CHRNA4: variants seen among roughly 807,000 people sequenced by gnomAD.
CHRNA4 encodes cholinergic receptor nicotinic alpha 4 subunit.
CHRNA4 carries 28 observed loss-of-function variants against 48.9 expected under a neutral mutation model. The ratio of observed to expected loss-of-function variants is 0.57; its 90% CI spans 0.42 to 0.79. CHRNA4 has a LOEUF of 0.79. Ranked by LOEUF, CHRNA4 falls within the 30% of genes least tolerant of loss-of-function variation. The probability of loss-of-function intolerance (pLI) is 0.00; values close to 1 mark genes in which losing one functional copy is unlikely to be tolerated. For missense variants in CHRNA4, 859 were observed against 898.4 expected, an observed-to-expected ratio of 0.96 and a Z score of 0.56; for synonymous variants, 425 against 402.3, an observed-to-expected ratio of 1.06 and a Z score of -0.68.
chr20:63,359,975 C>T (rs1010650721), intron 1 of CHRNA4: 2 of 433,006 alleles, frequency 4.6e-6, no homozygotes, highest in Non-Finnish European at 8.6e-6. Flanking sequence ...GGCTCTCTCC[C>T]ACCCCTGGGT....
chr20:63,360,486 C>T (rs1013345880), intron 1 of CHRNA4, among the ~76,000 whole-genome samples: 4 of 152,156 alleles, frequency 2.6e-5, no homozygotes, highest in African/African-American at 9.7e-5. Flanking sequence ...CCCGCCTGTC[C>T]TGGGCGCTGC....
In CHRNA4 at chr20:63,343,997, T is replaced by C. The variant is rs202135907; in HGVS notation, c.*2741A>G. ...GCAGAAAATAAACATGCATAACGGA[T>C]AGAGTGCCATGCACACACCGGCACC... is the stretch of plus-strand genomic sequence containing the variant. On this transcript the variant is annotated 3_prime_UTR_variant, in exon 6 of 6. Transcript: ENST00000370263. The C allele has an allele frequency of 8.8e-6, 4 of 453,944 alleles. No individual in the cohort carries two copies. The highest frequency in any genetic ancestry group is 4.0e-5 in the African/African-American group (2 of 49,964). 28.1% of individuals were successfully genotyped at this position (453,944 alleles called of 1,614,324 possible).
At position 63,350,321 on chromosome 20, in the gene CHRNA4, C is replaced by T. The variant is rs1390747894; in HGVS notation, c.1090G>A (p.Val364Ile). 2 of 1,613,210 alleles carry T rather than the reference C, an allele frequency of 1.2e-6. No individual in the cohort carries two copies. The highest frequency in any genetic ancestry group is 1.7e-5 in the Admixed American group (1 of 59,990). The stretch of plus-strand genomic sequence containing the variant: ...ATGAGCCGCCGGCAATTGTCCTTGA[C>T]CACGGACGGCCGCTTCATGAGGAGC... ...RLLLMKRPSV[V>I]KDNCRRLIES... Residue 364 changes from valine to isoleucine, a missense_variant, in exon 5 of 6, where the codon GTC (valine) becomes ATC (isoleucine). Around this residue, in one of 3 missense-constraint regions of CHRNA4, gnomAD observed 478 missense variants for 455.4 expected, o/e 1.05. Transcript: ENST00000370263.
intron 2 of CHRNA4, among the ~76,000 whole-genome samples, chr20:63,357,149 GACC>G (rs2145403927): frequency 9.8e-6 from 1 of 102,416 alleles, no homozygotes; most frequent in African/African-American, 4.6e-5. Context: ...GTCCCCACAG[GACC>G]ACGTCTCCAC....
At position 63,343,479 on chromosome 20, in the gene CHRNA4, G is replaced by A. The variant is rs1367791808; in HGVS notation, c.*3259C>T. On this transcript the variant is annotated 3_prime_UTR_variant, in exon 6 of 6. Coordinates refer to ENST00000370263, the MANE Select transcript of CHRNA4 (RefSeq NM_000744.7). ...ATCCGAAGCCGCCTCTGCTCCAGGG[G>A]ACACCTAACCCAGCAGTCCCACAGC... The A allele has an allele frequency of 6.6e-6, 3 of 454,044 alleles. No homozygotes were observed. Among genetic ancestry groups the A allele is most frequent in the Non-Finnish European group, 1.3e-5 (3 of 226,810 alleles). The allele number at this position is 454,044 out of a possible 1,614,324, so 28.1% of individuals were successfully genotyped here. A position where few individuals can be genotyped will look rare whatever the true frequency, so the allele number is the denominator to read the frequency against.
At chr20:63,356,625 C>G in intron 2 of CHRNA4, 1 of 614,380 alleles carries the variant, frequency 1.6e-6, no homozygotes, top group South Asian at 1.9e-5. Context: ...GGGGACAAGG[C>G]CACAAACATC....
At chr20:63,356,292 G>C (rs2068718218) in intron 3 of CHRNA4, 79 bp downstream of exon 3, 18 of 1,285,924 alleles carry the variant, frequency 1.4e-5, no homozygotes, top group Non-Finnish European at 1.7e-5. Flanking sequence ...GCCAGGGTGG[G>C]GCAGGGCCAG....
At position 63,349,461 on chromosome 20, in the gene CHRNA4, C is replaced by G. The variant is rs3899053; in HGVS notation, c.1758+192G>C. 102,118 of 748,150 alleles carry G rather than the reference C, an allele frequency of 0.14. 8,280 individuals are homozygous for G. Among genetic ancestry groups the G allele is most frequent in the Non-Finnish European group, 0.16 (74,270 of 460,414 alleles). The allele number at this position is 748,150 out of a possible 1,614,324, so 46.3% of individuals were successfully genotyped here. A position where few individuals can be genotyped will look rare whatever the true frequency, so the allele number is the denominator to read the frequency against. ...GCCAGCCACTCGGGGCCCCCTGCCC[C>G]GCTCAGCCTGGGACCTGCGGCCACA... On this transcript the variant is annotated intron_variant, in intron 5 of 5. Transcript: ENST00000370263.
chr20:63,357,556 G>A (rs1272177939), intron 2 of CHRNA4, among the ~76,000 whole-genome samples: 1 of 152,178 alleles, frequency 6.6e-6, no homozygotes, highest in Admixed American at 6.5e-5. Flanking sequence ...GAGCTCACAC[G>A]TGCAGCTCAC....
In CHRNA4 at chr20:63,350,657, T is replaced by C. The variant is rs201865234; in HGVS notation, c.754A>G (p.Ile252Val). 1.9e-6 allele frequency: 3 copies of C among 1,613,514 alleles called. No homozygotes were observed. In the African/African-American group the frequency reaches 4.0e-5, roughly 22 times the overall value. ...LPLFYTINLI[I>V]PCLLISCLTV... ...AGGCAGGAGATGAGCAGGCAGGGGA[T>C]GATGAGGTTGATGGTGTAGAAGAGC... Residue 252 changes from isoleucine to valine, a missense_variant, in exon 5 of 6, where the codon ATC (isoleucine) becomes GTC (valine). Ile to Val is a conservative substitution (Grantham distance 29). Around this residue, in one of 3 missense-constraint regions of CHRNA4, gnomAD observed 342 missense variants for 365.3 expected, o/e 0.94. Transcript: ENST00000370263.
At chr20:63,359,140 G>C (rs1167800712) in intron 2 of CHRNA4, among the ~76,000 whole-genome samples, 1 of 152,256 alleles carries the variant, frequency 6.6e-6, no homozygotes, top group Non-Finnish European at 1.5e-5. Context: ...AGCTAAGGTT[G>C]GGGTGCTGCC....
Position 63,343,630 on chromosome 20 carries a change from C to T in CHRNA4, c.*3108G>A, listed in dbSNP as rs201258832. ...AGAGGAGGGCCACGTCGCCCCAGGC[C>T]GGGCCACACGGGAAGCACCCAGGCC... On this transcript the variant is annotated 3_prime_UTR_variant, in exon 6 of 6. Transcript: ENST00000370263. The T allele has an allele frequency of 1.5e-5, 7 of 452,270 alleles. No individual in the cohort carries two copies. In the East Asian group the frequency reaches 2.1e-4, roughly 13 times the overall value. The allele number at this position is 452,270 out of a possible 1,614,324, so 28.0% of individuals were successfully genotyped here.
chr20:63,350,232 A>AG lies in CHRNA4; in HGVS notation c.1178dup (p.Ala394CysfsTer24), dbSNP rs1435638963. On this transcript the variant is annotated frameshift_variant, in exon 5 of 6. Coordinates refer to ENST00000370263, the MANE Select transcript of CHRNA4 (RefSeq NM_000744.7). LOFTEE classifies it high-confidence loss of function. Reference sequence around the variant, plus strand: ...GCAGGCTCTGGGTGCCGCTCGTGGCAGGGGGCTCCCCTTCTGGCTCGGGCC... The same window carrying AG: ...GCAGGCTCTGGGTGCCGCTCGTGGCAGGGGGGCTCCCCTTCTGGCTCGGGCC... 3 of 1,609,112 alleles carry AG rather than the reference A, an allele frequency of 1.9e-6. No homozygotes were observed. The highest frequency in any genetic ancestry group is 2.5e-6 in the Non-Finnish European group (3 of 1,178,122).
At chr20:63,360,839 A>AC (rs374280137) in intron 1 of CHRNA4, 2 of 392,250 alleles carry the variant, frequency 5.1e-6, no homozygotes, top group South Asian at 8.6e-5. Context: ...TAGCAGCGGA[A>AC]CCCCCCACAC....
At chr20:63,354,380 T>A (rs1318088754) in intron 4 of CHRNA4, among the ~76,000 whole-genome samples, 1 of 131,568 alleles carries the variant, frequency 7.6e-6, no homozygotes, top group African/African-American at 3.0e-5. Flanking sequence ...GTGATCCTTG[T>A]GGGGGCTGCA....
Position 63,349,451 on chromosome 20 carries a change from C to T in CHRNA4, c.1758+202G>A, listed in dbSNP as rs1041900619. On this transcript the variant is annotated intron_variant, in intron 5 of 5. Transcript: ENST00000370263. ...TCCACCCTGTGCCAGCCACTCGGGG[C>T]CCCCTGCCCCGCTCAGCCTGGGACC... 1.9e-5 allele frequency: 13 copies of T among 686,786 alleles called. No individual in the cohort carries two copies. The Admixed American group carries it at 3.3e-4, about 18-fold the overall frequency. 42.5% of individuals were successfully genotyped at this position (686,786 alleles called of 1,614,324 possible). A position where few individuals can be genotyped will look rare whatever the true frequency, so the allele number is the denominator to read the frequency against.
At chr20:63,355,441 T>C (rs2145399965) in intron 4 of CHRNA4, 3 of 1,076,874 alleles carry the variant, frequency 2.8e-6, no homozygotes, top group Admixed American at 2.3e-5. Flanking sequence ...AGAGCGTGAG[T>C]ATGCAGAGAA....
intron 1 of CHRNA4, chr20:63,359,983 G>A (rs2145410042): frequency 2.3e-6 from 1 of 429,768 alleles, no homozygotes; most frequent in African/African-American, 2.0e-5. Context: ...CCCACCCCTG[G>A]GTGTAATTGT....
intron 2 of CHRNA4, among the ~76,000 whole-genome samples, chr20:63,358,429 C>T (rs992229956): frequency 2.6e-5 from 4 of 152,224 alleles, no homozygotes; most frequent in South Asian, 2.1e-4. Context: ...GAAATTCTCC[C>T]GCAACCCGGT....
Sources: allele counts gnomAD v4.1 joint callset (sites outside exome capture counted in the v4.1 genomes callset), GRCh38; gene constraint gnomAD v4.1.1; regional missense constraint gnomAD v4.1.1; transcripts MANE v1.5; gene names NCBI Gene and HGNC (gene_info 2026-07-23, HGNC 2026-07-21).